The following HECTD4 variants were observed in gnomAD, a reference collection of about 807,000 sequenced individuals.
HECTD4 encodes probable E3 ubiquitin-protein ligase HECTD4.
HECTD4 carries 114 observed loss-of-function variants against 471.5 expected under a neutral mutation model. The ratio of observed to expected loss-of-function variants is 0.24; its 90% confidence interval spans 0.21 to 0.28. The LOEUF (loss-of-function observed/expected upper bound fraction) is 0.28. HECTD4 is among the 10% of genes least tolerant of loss of function. The pLI, the probability that HECTD4 is intolerant of heterozygous loss-of-function variation, is 1.00. For synonymous variants in HECTD4, 2,012 were observed against 2,256.0 expected, an observed-to-expected ratio of 0.89 and a Z score of 3.07; for missense variants, 3,866 against 5,651.5, an observed-to-expected ratio of 0.68 and a Z score of 10.13.
At chr12:112,248,018 T>C (rs761580729) in intron 27 of HECTD4, 49 bp downstream of exon 27, 2 of 1,283,842 alleles carry the variant, frequency 1.6e-6, no homozygotes, top group African/African-American at 1.5e-5. Flanking sequence ...TATATACCTT[T>C]GCTCTCTAAA....
At chr12:112,269,952 A>T in intron 12 of HECTD4, 103 bp from the exon 13 acceptor site, 1 of 1,040,916 alleles carries the variant, frequency 9.6e-7, no homozygotes, top group Non-Finnish European at 1.4e-6. Context: ...ACAAATAACC[A>T]GGTGGATTTT....
At chr12:112,236,430 G>A (rs1477206075) in intron 35 of HECTD4, among the ~76,000 whole-genome samples, 1 of 152,220 alleles carries the variant, frequency 6.6e-6, no homozygotes, top group African/African-American at 2.4e-5. Flanking sequence ...AGGCTTCAAT[G>A]TTCTAGGATC....
At chr12:112,292,101 T>C (rs575525150) in intron 7 of HECTD4, among the ~76,000 whole-genome samples, 2 of 152,214 alleles carry the variant, frequency 1.3e-5, no homozygotes, top group East Asian at 3.9e-4. Context: ...TCCCAATACC[T>C]TGCAAGGCCC....
Position 112,216,284 on chromosome 12 carries a change from G to C in HECTD4, c.7465+8C>G. ...CACACAGGGTGGAAAAGCTCCCACT[G>C]CACTCACCGGGGGAGAGAGTCACGT... On this transcript the variant is annotated splice_region_variant and intron_variant, in intron 48 of 75. Transcript: ENST00000682272. 1 of 1,538,172 alleles carries C rather than the reference G, an allele frequency of 6.5e-7. No homozygotes were observed. Among genetic ancestry groups the C allele is most frequent in the Non-Finnish European group, 8.8e-7 (1 of 1,134,202 alleles).
chr12:112,251,274 A>AC, intron 23 of HECTD4, 140 bp from the exon 24 acceptor site: 1 of 696,952 alleles, frequency 1.4e-6, no homozygotes, highest in Non-Finnish European at 2.3e-6. Context: ...GGACACAGGT[A>AC]CAGCACCCAA....
At chr12:112,242,186 T>C (rs2033656322) in intron 32 of HECTD4, among the ~76,000 whole-genome samples, 1 of 151,676 alleles carries the variant, frequency 6.6e-6, no homozygotes, top group African/African-American at 2.4e-5. Context: ...CAGAAGGAGG[T>C]TGTTAATGCA....
chr12:112,342,451 T>C (rs1176907475), intron 1 of HECTD4, among the ~76,000 whole-genome samples: 2 of 152,176 alleles, frequency 1.3e-5, no homozygotes, highest in African/African-American at 4.8e-5. Flanking sequence ...AGTAAGACCC[T>C]GTCTATTTAA....
chr12:112,202,750 G>A (rs10492014), intron 54 of HECTD4, among the ~76,000 whole-genome samples: 7,829 of 152,212 alleles, frequency 0.051, 269 homozygotes, highest in South Asian at 0.094. Flanking sequence ...TCAAACAGGA[G>A]TCTCTTTTCA....
intron 28 of HECTD4, 106 bp from the exon 29 acceptor site, chr12:112,247,182 G>T: frequency 1.1e-6 from 1 of 925,474 alleles, no homozygotes; most frequent in South Asian, 1.6e-5. Context: ...GGGAAACTAA[G>T]CAAAAGTAAC....
chr12:112,184,663 G>A lies in HECTD4; in HGVS notation c.10303C>T (p.Pro3435Ser), dbSNP rs1430815694. 3 of 1,613,838 alleles carry A rather than the reference G, an allele frequency of 1.9e-6. No individual in the cohort carries two copies. Among genetic ancestry groups the A allele is most frequent in the Non-Finnish European group, 2.5e-6 (3 of 1,179,866 alleles). ...GGVFKDEIYIPLQEEDTKKPK... is the reference protein window; with the variant it reads ...GGVFKDEIYISLQEEDTKKPK... ...TTCTTGGTGTCTTCTTCCTGCAGCG[G>A]GATGTAGATCTCGTCTTTGAAGACC... The change falls in exon 61 of 76, where the codon CCG (proline) becomes TCG (serine). Residue 3435 changes from proline to serine, a missense_variant. This residue lies in a region of HECTD4 where 71 missense variants were observed against 144.5 expected (regional missense o/e 0.49). Transcript: ENST00000682272. This position sits in a 1 kb window ranked among gnomAD's most constrained non-coding sequence, Gnocchi z 9.1.
intron 1 of HECTD4, among the ~76,000 whole-genome samples, chr12:112,377,765 A>G (rs992489607): frequency 7.2e-5 from 11 of 152,168 alleles, no homozygotes; most frequent in Middle Eastern, 3.4e-3. Context: ...AGCTAACTGG[A>G]AGGCTGAGGT....
Position 112,250,329 on chromosome 12 carries a change from A to G in HECTD4, c.3765T>C (p.Thr1255=). 6.2e-7 allele frequency: 1 copy of G among 1,613,944 alleles called. No homozygotes were observed. Among genetic ancestry groups the G allele is most frequent in the Non-Finnish European group, 8.5e-7 (1 of 1,179,858 alleles). ...TCAGAGGCAGTGGAGAGGGGCTCGG[A>G]GTAAGGGCAGGGGAGATCACGCCAT... ...EANGVISPAL[T]PSPSPLPLTI... is the part of the protein sequence containing the mutation. The change falls in exon 25 of 76, where the codon ACT becomes ACC. Residue 1255 remains threonine (T), a synonymous_variant. Transcript: ENST00000682272.
chr12:112,351,305 C>T (rs940640973), intron 1 of HECTD4, among the ~76,000 whole-genome samples: 4 of 152,168 alleles, frequency 2.6e-5, no homozygotes, highest in African/African-American at 4.8e-5. Context: ...CTCATGATCG[C>T]GTCAGAAGTG....
chr12:112,261,857 G>GT (rs2034152841), intron 17 of HECTD4: 1 of 154,016 alleles, frequency 6.5e-6, no homozygotes, highest in African/African-American at 2.4e-5. Context: ...AAAGGCGCAT[G>GT]TAGAGGCGGT....
chr12:112,185,364 A>G lies in HECTD4; in HGVS notation c.9602T>C (p.Ile3201Thr). Residue 3201 changes from isoleucine (I) to threonine (T), a missense_variant, in exon 61 of 76, where the codon ATC becomes ACC. Physicochemically the swap from Ile to Thr is moderately conservative, Grantham distance 89 (BLOSUM62 -1). Transcript: ENST00000682272. ...RRHPAGLSSSIALQLNPCLAM... is the reference protein window; with the variant it reads ...RRHPAGLSSSTALQLNPCLAM... ...CAGGCAGGGGTTCAGCTGGAGGGCGATTGAGGAGGACAGGCCAGCGGGGTG... is the reference window on the plus strand; with the variant it reads ...CAGGCAGGGGTTCAGCTGGAGGGCGGTTGAGGAGGACAGGCCAGCGGGGTG... The G allele has an allele frequency of 6.2e-7, 1 of 1,609,042 alleles. No homozygotes were observed. The highest frequency in any genetic ancestry group is 8.5e-7 in the Non-Finnish European group (1 of 1,178,178).
intron 49 of HECTD4, 42 bp from the exon 50 acceptor site, chr12:112,210,294 T>C (rs955278786): frequency 3.8e-6 from 6 of 1,589,802 alleles, no homozygotes; most frequent in Non-Finnish European, 5.2e-6. Flanking sequence ...AGACTTACGT[T>C]TATTTTTATT....
chr12:112,269,602 TG>T (rs2034371590), intron 13 of HECTD4, 101 bp downstream of exon 13: 2 of 1,222,480 alleles, frequency 1.6e-6, no homozygotes, highest in South Asian at 1.5e-5. Flanking sequence ...AATTGTGGGA[TG>T]GGGTAAGAGG....
chr12:112,345,463 A>G (rs998024294), intron 1 of HECTD4, among the ~76,000 whole-genome samples: 1 of 152,190 alleles, frequency 6.6e-6, no homozygotes, highest in Non-Finnish European at 1.5e-5. Context: ...AAGCAATTAG[A>G]GGAAAATTAG....
At chr12:112,352,218 G>A (rs181793838) in intron 1 of HECTD4, among the ~76,000 whole-genome samples, 2 of 152,250 alleles carry the variant, frequency 1.3e-5, no homozygotes, top group Non-Finnish European at 2.9e-5. Context: ...ATATGAGTTA[G>A]GGTAGCTGTT....
Sources: allele counts gnomAD v4.1 joint callset (sites outside exome capture counted in the v4.1 genomes callset), GRCh38; gene constraint gnomAD v4.1.1; regional missense constraint gnomAD v4.1.1; non-coding constraint Gnocchi (gnomAD v3.1); transcripts MANE v1.5; gene names NCBI Gene and HGNC (gene_info 2026-07-23, HGNC 2026-07-21).